ABCC5: variants seen among roughly 807,000 people sequenced by gnomAD.
ABCC5 encodes ATP binding cassette subfamily C member 5, also known as ATP-binding cassette sub-family C member 5.
ABCC5 carries 61 observed loss-of-function variants against 160.9 expected under a neutral mutation model. The ratio of observed to expected loss-of-function variants is 0.38; its 90% confidence interval spans 0.31 to 0.47. The LOEUF (loss-of-function observed/expected upper bound fraction) is 0.47, where lower values mean the gene tolerates loss of function less well. Among genes scored for constraint, ABCC5 ranks in the 20% least tolerant of loss-of-function variants. The pLI is 0.99. For missense variants in ABCC5, 1,308 were observed against 1,813.3 expected (o/e 0.72, Z 5.06); for synonymous variants, 666 against 700.6 (o/e 0.95, Z 0.78).
intron 17 of ABCC5, among the ~76,000 whole-genome samples, chr3:183,959,455 C>T (rs1483343477): frequency 2.6e-5 from 4 of 152,164 alleles, no homozygotes; most frequent in Non-Finnish European, 4.4e-5. Context: ...TTTTTCCTTA[C>T]TCAGGATGAC....
rs755171911 is a variant in ABCC5, at chr3:184,014,373, C to T, written c.20G>A (p.Gly7Glu). ...AGGACTGGGGATGATATACTCTTTT[C>T]CTATGTCGATATCCTTCATCTTCTC... is the stretch of plus-strand genomic sequence containing the variant. MKDIDI[G>E]KEYIIPSPGY... The change falls in exon 2 of 30, where the codon GGA (glycine) becomes GAA (glutamate). Residue 7 changes from glycine (G) to glutamate (E), a missense_variant. Transcript: ENST00000334444. The T allele has an allele frequency of 7.4e-6, 12 of 1,613,502 alleles. No homozygotes were observed. The highest frequency in any genetic ancestry group is 1.6e-4 in the Middle Eastern group (1 of 6,062).
intron 17 of ABCC5, 118 bp from the exon 18 acceptor site, chr3:183,953,388 T>C (rs886636303): frequency 1.1e-5 from 9 of 836,540 alleles, no homozygotes; most frequent in African/African-American, 1.7e-5. Flanking sequence ...CTAGATTAGA[T>C]TTCCTCTTTG....
At chr3:183,994,757 T>C (rs752236845) in intron 2 of ABCC5, among the ~76,000 whole-genome samples, 10 of 152,182 alleles carry the variant, frequency 6.6e-5, no homozygotes, top group Non-Finnish European at 1.3e-4. Context: ...ACTACCCTAA[T>C]GGTGAACGAA....
chr3:183,998,483 A>G (rs548498850), intron 2 of ABCC5, among the ~76,000 whole-genome samples: 24 of 152,330 alleles, frequency 1.6e-4, no homozygotes, highest in African/African-American at 5.5e-4. Context: ...AGCATGTACT[A>G]TGTGCCAGAC....
At chr3:184,000,911 T>C (rs1008520913) in intron 2 of ABCC5, 1 of 290,572 alleles carries the variant, frequency 3.4e-6, no homozygotes, top group Non-Finnish European at 6.3e-6. Flanking sequence ...AAGCTGCAAA[T>C]GTAAGCCACA....
chr3:183,932,891 A>G (rs372030505), intron 26 of ABCC5, among the ~76,000 whole-genome samples: 16 of 152,186 alleles, frequency 1.1e-4, no homozygotes, highest in Admixed American at 5.2e-4. Flanking sequence ...CAGGTGGGGA[A>G]TGGTGGCTCA....
chr3:183,928,673 G>T, intron 27 of ABCC5, 74 bp downstream of exon 27: 7 of 1,354,362 alleles, frequency 5.2e-6, no homozygotes, highest in Non-Finnish European at 7.4e-6. Context: ...CAGAGCAGAC[G>T]GGGTGTGGCA....
At chr3:183,962,040 C>T (rs974960340) in intron 15 of ABCC5, among the ~76,000 whole-genome samples, 1 of 152,150 alleles carries the variant, frequency 6.6e-6, no homozygotes, top group South Asian at 2.1e-4. Context: ...GCCTGAGCCA[C>T]CGCGCCCAGC....
At chr3:183,961,044 C>T (rs565570196) in intron 16 of ABCC5, among the ~76,000 whole-genome samples, 2 of 152,248 alleles carry the variant, frequency 1.3e-5, no homozygotes, top group African/African-American at 4.8e-5. Context: ...CCACCTCAGC[C>T]TCCAAAAATG....
intron 17 of ABCC5, among the ~76,000 whole-genome samples, chr3:183,958,337 A>T (rs1188080586): frequency 6.6e-6 from 1 of 152,184 alleles, no homozygotes; most frequent in Non-Finnish European, 1.5e-5. Flanking sequence ...AATGTTTACA[A>T]ATCTCAGAAT....
At position 183,950,121 on chromosome 3, in the gene ABCC5, G is replaced by A. The variant is rs373826054; in HGVS notation, c.2949C>T (p.Asp983=). 115 of 1,611,262 alleles carry A rather than the reference G, an allele frequency of 7.1e-5. No individual in the cohort carries two copies. Among genetic ancestry groups the A allele is most frequent in the Non-Finnish European group, 8.5e-5 (100 of 1,179,280 alleles). Residue 983 remains aspartate, a synonymous_variant, in exon 21 of 30, where the codon GAC becomes GAT. Coordinates refer to ENST00000334444, the MANE Select transcript of ABCC5 (RefSeq NM_005688.4). ...TCTCGGCCTGGAACGGCAGCCGCAC[G>A]TCAACTGTGGAAACAAATAAAGGAG... The part of the protein sequence containing the change: ...NRFSKDMDEV[D]VRLPFQAEMF...
Position 183,927,399 on chromosome 3 carries a change from A to G in ABCC5, c.3978T>C (p.Asn1326=). 2 of 1,613,854 alleles carry G rather than the reference A, an allele frequency of 1.2e-6. No individual in the cohort carries two copies. The highest frequency in any genetic ancestry group is 2.2e-5 in the South Asian group (2 of 90,986). ...PLKLESEVME[N]GDNFSVGERQ... ...GTTCCCCCACTGAGAAGTTATCCCCATTCTCCATCACTTCAGATTCAAGTT... is the reference window on the plus strand; with the variant it reads ...GTTCCCCCACTGAGAAGTTATCCCCGTTCTCCATCACTTCAGATTCAAGTT... Residue 1326 remains asparagine, a synonymous_variant, in exon 28 of 30, where the codon AAT becomes AAC. Transcript: ENST00000334444.
chr3:184,001,232 G>A, intron 2 of ABCC5: 1 of 536,516 alleles, frequency 1.9e-6, no homozygotes, highest in South Asian at 2.8e-5. Flanking sequence ...CAGTCTGGGT[G>A]ACAGAGTGAG....
rs72625007 is a variant in ABCC5, at chr3:183,924,315, C to T, written c.4212+1240G>A. On this transcript the variant is annotated intron_variant, in intron 29 of 29. Transcript: ENST00000334444. ...GATTACAGGCATGAGCCACCGTGCC[C>T]GGCCTACTCCACTTCCTATGGACTT... 0.016 allele frequency among the ~76,000 whole-genome samples: 2,363 copies of T among 152,222 alleles called. 97 individuals carry two copies. In the East Asian group the frequency reaches 0.17, roughly 11 times the overall value.
chr3:183,938,190 AGATAAT>A (rs1713933030), intron 25 of ABCC5, 130 bp from the exon 26 acceptor site: 1 of 883,472 alleles, frequency 1.1e-6, no homozygotes, highest in African/African-American at 1.7e-5. Context: ...TGATTAACTG[AGATAAT>A]GTATAAAATG....
Position 184,014,411 on chromosome 3 carries a change from C to A in ABCC5, c.-19G>T, listed in dbSNP as rs1210521613. 17 of 1,600,082 alleles carry A rather than the reference C, an allele frequency of 1.1e-5. No homozygotes were observed. The highest frequency in any genetic ancestry group is 1.4e-5 in the Non-Finnish European group (17 of 1,174,778). ...CCTTCATCTTCTCTGAGTGGAGGTT[C>A]CAGGGCTCACAGACTGTTAGTTTCA... On this transcript the variant is annotated 5_prime_UTR_variant, in exon 2 of 30. Coordinates refer to ENST00000334444, the MANE Select transcript of ABCC5 (RefSeq NM_005688.4).
intron 22 of ABCC5, among the ~76,000 whole-genome samples, chr3:183,948,536 C>T (rs1048161671): frequency 1.3e-5 from 2 of 152,024 alleles, no homozygotes; most frequent in African/African-American, 4.8e-5. Context: ...AATTACCCAA[C>T]TTTTGCAATA....
Position 183,938,072 on chromosome 3 carries a change from G to C in ABCC5, c.3695-12C>G. The C allele has an allele frequency of 6.2e-7, 1 of 1,613,258 alleles. No individual in the cohort carries two copies. Reference sequence around the variant, plus strand: ...CAGCGAGGACTTCCCTGATGAGTCAGAAGACATGCAAGAGAGGAGCTGTTA... The same window carrying C: ...CAGCGAGGACTTCCCTGATGAGTCACAAGACATGCAAGAGAGGAGCTGTTA... On this transcript the variant is annotated splice_polypyrimidine_tract_variant and intron_variant, in intron 25 of 29. Coordinates refer to ENST00000334444, the MANE Select transcript of ABCC5 (RefSeq NM_005688.4).
intron 24 of ABCC5, 137 bp downstream of exon 24, chr3:183,945,713 A>C: frequency 1.4e-6 from 1 of 723,098 alleles, no homozygotes; most frequent in Non-Finnish European, 2.5e-6. Flanking sequence ...AGCACGGTTG[A>C]GAGATTGCTG....
Sources: gnomAD v4.1 joint callset for allele counts (sites outside exome capture counted in the v4.1 genomes callset) on GRCh38, gnomAD v4.1.1 for gene constraint, MANE v1.5 for transcripts, NCBI Gene and HGNC (gene_info 2026-07-23, HGNC 2026-07-21) for gene names.